RSPO2: variants seen among roughly 807,000 people sequenced by gnomAD.
RSPO2 encodes R-spondin 2.
In RSPO2, 14 loss-of-function variants were observed where a neutral mutation model predicts 30.9. The observed-to-expected ratio is 0.45, with a 90% CI of 0.30 to 0.71. The LOEUF (loss-of-function observed/expected upper bound fraction) is 0.71, where lower values mean the gene tolerates loss of function less well. Among genes scored for constraint, RSPO2 ranks in the 30% least tolerant of loss-of-function variants. The pLI is 0.08. For synonymous variants in RSPO2, 107 were observed against 96.4 expected, an observed-to-expected ratio of 1.11 and a Z score of -0.64; for missense variants, 264 against 301.9, an observed-to-expected ratio of 0.87 and a Z score of 0.93.
At chr8:107,945,275 G>T (rs1381922187) in intron 5 of RSPO2, among the ~76,000 whole-genome samples, 2 of 112,450 alleles carry the variant, frequency 1.8e-5, no homozygotes, top group East Asian at 2.9e-4. Flanking sequence ...TTGAGACAGA[G>T]TCTCACTCTG....
At chr8:107,918,333 G>C (rs921758479) in intron 5 of RSPO2, among the ~76,000 whole-genome samples, 9 of 152,104 alleles carry the variant, frequency 5.9e-5, no homozygotes, top group Non-Finnish European at 8.8e-5. Context: ...GTAGTTGTTT[G>C]CATAAGTGTA....
chr8:108,064,974 G>T (rs1344831674), intron 2 of RSPO2, among the ~76,000 whole-genome samples: 1 of 151,926 alleles, frequency 6.6e-6, no homozygotes, highest in Admixed American at 6.6e-5. Context: ...TGAACAATTA[G>T]AACACTTGGA....
Position 107,960,789 on chromosome 8 carries a change from G to A in RSPO2, c.312C>T (p.Cys104=). The change falls in exon 4 of 6, where the codon TGC becomes TGT. Residue 104 remains cysteine, a synonymous_variant. Coordinates refer to ENST00000276659, the MANE Select transcript of RSPO2 (RefSeq NM_178565.5). ...ARCRIENCDS[C]FSKDFCTKCK... ...ACTTGGTACAAAAGTCTTTGCTAAA[G>A]CAAGAATCACAGTTTTCTATTCTGC... The A allele has an allele frequency of 6.2e-7, 1 of 1,606,746 alleles. No individual in the cohort carries two copies.
chr8:107,945,451 T>C (rs1256199421), intron 5 of RSPO2, among the ~76,000 whole-genome samples: 7 of 151,912 alleles, frequency 4.6e-5, no homozygotes, highest in East Asian at 3.9e-4. Context: ...GGTTTCACCA[T>C]GTTAGCCAGG....
At chr8:107,914,045 A>T (rs1377488626) in intron 5 of RSPO2, among the ~76,000 whole-genome samples, 1 of 152,172 alleles carries the variant, frequency 6.6e-6, no homozygotes. Flanking sequence ...ATGAATCACC[A>T]GTGAATCAGA....
At chr8:107,986,949 C>T (rs1814662649) in intron 3 of RSPO2, among the ~76,000 whole-genome samples, 1 of 152,140 alleles carries the variant, frequency 6.6e-6, no homozygotes, top group African/African-American at 2.4e-5. Context: ...GCCTTAAGAA[C>T]AAAATTCATA....
At chr8:107,919,910 G>A (rs1247289268) in intron 5 of RSPO2, among the ~76,000 whole-genome samples, 2 of 152,092 alleles carry the variant, frequency 1.3e-5, no homozygotes, top group Admixed American at 6.6e-5. Flanking sequence ...GAGTCAAAAC[G>A]AATCACTGCT....
intron 2 of RSPO2, among the ~76,000 whole-genome samples, chr8:108,018,721 G>T (rs769345882): frequency 1.4e-4 from 21 of 152,086 alleles, no homozygotes; most frequent in Non-Finnish European, 2.6e-4. Flanking sequence ...AATGCACAGT[G>T]GAAGTAAGCT....
At chr8:107,930,899 T>A (rs1235414689) in intron 5 of RSPO2, among the ~76,000 whole-genome samples, 1 of 152,204 alleles carries the variant, frequency 6.6e-6, no homozygotes, top group African/African-American at 2.4e-5. Context: ...GAATCCTTAC[T>A]TAACTGACTT....
intron 2 of RSPO2, among the ~76,000 whole-genome samples, chr8:108,049,967 A>T (rs1230886039): frequency 3.3e-5 from 5 of 152,102 alleles, no homozygotes; most frequent in African/African-American, 4.8e-5. Context: ...TTAAAATCCT[A>T]ACATTTAGAA....
At chr8:108,070,132 C>T (rs1812792651) in intron 2 of RSPO2, among the ~76,000 whole-genome samples, 1 of 152,082 alleles carries the variant, frequency 6.6e-6, no homozygotes. Flanking sequence ...AAGTTTACAA[C>T]AATGATGCAG....
At chr8:107,905,411 A>G (rs1321653077) in intron 5 of RSPO2, among the ~76,000 whole-genome samples, 1 of 152,098 alleles carries the variant, frequency 6.6e-6, no homozygotes, top group Non-Finnish European at 1.5e-5. Context: ...TACATATATA[A>G]ACACACAAGC....
At chr8:108,045,889 T>C (rs1811895751) in intron 2 of RSPO2, among the ~76,000 whole-genome samples, 1 of 152,208 alleles carries the variant, frequency 6.6e-6, no homozygotes, top group South Asian at 2.1e-4. Flanking sequence ...ATGGTTGGAA[T>C]TAAACTGTGT....
intron 2 of RSPO2, among the ~76,000 whole-genome samples, chr8:108,080,502 GA>G (rs1423958888): frequency 6.6e-6 from 1 of 152,186 alleles, no homozygotes; most frequent in African/African-American, 2.4e-5. Context: ...CGTTACAAGA[GA>G]TTTTGCTAAA....
intron 2 of RSPO2, among the ~76,000 whole-genome samples, chr8:108,006,558 T>C (rs1815458113): frequency 6.6e-6 from 1 of 151,746 alleles, no homozygotes; most frequent in Non-Finnish European, 1.5e-5. Flanking sequence ...AAGAAGGCTC[T>C]AATTATTTAC....
chr8:107,927,102 G>A (rs1477053479), intron 5 of RSPO2, among the ~76,000 whole-genome samples: 1 of 152,098 alleles, frequency 6.6e-6, no homozygotes, highest in African/African-American at 2.4e-5. Context: ...TCCTTGAAGA[G>A]GTCCTTCACA....
At chr8:108,044,153 G>GA (rs11382572) in intron 2 of RSPO2, among the ~76,000 whole-genome samples, 29,866 of 142,150 alleles carry the variant, frequency 0.21, 3,087 homozygotes, top group South Asian at 0.35. Context: ...TCTGTTGTCT[G>GA]AAAAAAAAAA....
intron 2 of RSPO2, among the ~76,000 whole-genome samples, chr8:108,036,651 G>A (rs972867725): frequency 9.9e-5 from 15 of 152,128 alleles, no homozygotes; most frequent in Non-Finnish European, 2.2e-4. Context: ...TCACTTTATT[G>A]TGCTTCACAG....
chr8:107,961,205 G>T (rs1813616634), intron 3 of RSPO2, among the ~76,000 whole-genome samples: 1 of 152,190 alleles, frequency 6.6e-6, no homozygotes, highest in Admixed American at 6.5e-5. Flanking sequence ...ACTGTAATAA[G>T]TGTTTGTGTA....
Sources: gnomAD v4.1 joint callset for allele counts (sites outside exome capture counted in the v4.1 genomes callset) on GRCh38, gnomAD v4.1.1 for gene constraint, MANE v1.5 for transcripts, NCBI Gene and HGNC (gene_info 2026-07-23, HGNC 2026-07-21) for gene names.